Variants in GRID2 observed in about 807,000 individuals in gnomAD.
GRID2 encodes glutamate receptor ionotropic, delta-2.
In GRID2, 33 loss-of-function variants were observed where a neutral mutation model predicts 114.8. That is an observed-to-expected ratio of 0.29 (90% CI 0.22 to 0.38). GRID2 has a LOEUF of 0.38. GRID2 is among the 10% of genes least tolerant of loss of function. The pLI, the probability that GRID2 is intolerant of heterozygous loss-of-function variation, is 1.00. For synonymous variants in GRID2, 505 were observed against 449.9 expected (o/e 1.12, Z -1.55); for missense variants, 1,184 against 1,257.7 (o/e 0.94, Z 0.89).
At chr4:92,510,805 T>C (rs1181991903) in intron 1 of GRID2, among the ~76,000 whole-genome samples, 1 of 150,408 alleles carries the variant, frequency 6.6e-6, no homozygotes, top group Non-Finnish European at 1.5e-5. Flanking sequence ...CATATATACG[T>C]ATTAAAACAT....
At chr4:92,405,059 A>T (rs1730958937) in intron 1 of GRID2, among the ~76,000 whole-genome samples, 1 of 152,146 alleles carries the variant, frequency 6.6e-6, no homozygotes, top group Non-Finnish European at 1.5e-5. Flanking sequence ...AATAAAGTTG[A>T]TTCTAAGCAT....
intron 14 of GRID2, among the ~76,000 whole-genome samples, chr4:93,734,005 A>C (rs144778617): frequency 6.6e-6 from 1 of 152,140 alleles, no homozygotes; most frequent in East Asian, 1.9e-4. Flanking sequence ...AGGTCCTTTA[A>C]TCATGGTGGA....
At chr4:92,465,712 T>A (rs116198928) in intron 1 of GRID2, among the ~76,000 whole-genome samples, 12 of 152,174 alleles carry the variant, frequency 7.9e-5, no homozygotes, top group African/African-American at 2.6e-4. Context: ...TGACATGTTC[T>A]TGTATTTAGT....
chr4:92,687,755 G>T (rs1579844140), intron 2 of GRID2, among the ~76,000 whole-genome samples: 1 of 151,970 alleles, frequency 6.6e-6, no homozygotes, highest in East Asian at 2.0e-4. Context: ...CTTGAACCCA[G>T]GAGGCGGAGC....
intron 1 of GRID2, among the ~76,000 whole-genome samples, chr4:92,464,232 T>C (rs1030081099): frequency 3.9e-5 from 6 of 152,066 alleles, no homozygotes; most frequent in Non-Finnish European, 8.8e-5. Context: ...AGCACAGCTC[T>C]GGTTAAAACT....
chr4:93,486,300 T>C (rs1726398127), intron 11 of GRID2, among the ~76,000 whole-genome samples: 1 of 151,674 alleles, frequency 6.6e-6, no homozygotes, highest in Admixed American at 6.6e-5. Flanking sequence ...CACTAATCCG[T>C]AACTTTTGTT....
intron 1 of GRID2, among the ~76,000 whole-genome samples, chr4:92,554,639 AT>A (rs945962178): frequency 6.6e-6 from 1 of 152,146 alleles, no homozygotes; most frequent in African/African-American, 2.4e-5. Context: ...TCCATTGGAC[AT>A]TTTTCATTTC....
Position 92,970,242 on chromosome 4 carries a change from C to T in GRID2, c.245-114753C>T, listed in dbSNP as rs561213850. On this transcript the variant is annotated intron_variant, in intron 2 of 15. Coordinates refer to ENST00000282020, the MANE Select transcript of GRID2 (RefSeq NM_001510.4). ...TTATGAGTCATTTAACACAAATTAT[C>T]GTCATTTCAGCAGAAAGTGTTTGTA... Among the ~76,000 whole-genome samples the T allele has an allele frequency of 4.9e-4, 74 of 151,900 alleles. 1 individual carries two copies. The highest frequency in any genetic ancestry group is 6.8e-3 in the Middle Eastern group (2 of 294).
intron 1 of GRID2, among the ~76,000 whole-genome samples, chr4:92,550,357 T>C (rs919075527): frequency 1.2e-4 from 19 of 152,174 alleles, no homozygotes; most frequent in Admixed American, 4.6e-4. Flanking sequence ...CATATTTAGT[T>C]TATAATAGTA....
chr4:93,059,469 A>G (rs1276132349), intron 2 of GRID2, among the ~76,000 whole-genome samples: 11 of 152,080 alleles, frequency 7.2e-5, no homozygotes, highest in Non-Finnish European at 1.5e-4. Context: ...CATGCTTCTC[A>G]GTCCTGATGC....
At chr4:93,581,249 G>A (rs1184926582) in intron 13 of GRID2, among the ~76,000 whole-genome samples, 1 of 151,980 alleles carries the variant, frequency 6.6e-6, no homozygotes, top group Non-Finnish European at 1.5e-5. Context: ...CTGAGTGATA[G>A]AGGTGAAAGG....
At chr4:92,424,116 A>G (rs1732037045) in intron 1 of GRID2, among the ~76,000 whole-genome samples, 2 of 152,088 alleles carry the variant, frequency 1.3e-5, no homozygotes, top group Non-Finnish European at 2.9e-5. Flanking sequence ...ACAGTCCTAC[A>G]GGGACCCAAG....
At chr4:93,809,509 G>A (rs1735092550) in exon 2 of GRID2, 1 of 152,164 alleles carries the variant, frequency 6.6e-6, no homozygotes, top group Non-Finnish European at 1.5e-5. Context: ...GAATAGAATG[G>A]TGACTATGTA....
intron 2 of GRID2, among the ~76,000 whole-genome samples, chr4:92,688,036 TC>T (rs1733999767): frequency 3.8e-5 from 5 of 130,008 alleles, no homozygotes; most frequent in Admixed American, 1.6e-4. Flanking sequence ...CCCTTCTTCT[TC>T]TTTTTTTTTT....
At chr4:93,592,222 C>T (rs1738431525) in intron 13 of GRID2, among the ~76,000 whole-genome samples, 1 of 151,926 alleles carries the variant, frequency 6.6e-6, no homozygotes, top group Admixed American at 6.6e-5. Context: ...CTACACACTG[C>T]TTTGAATGCA....
At chr4:93,631,680 G>A (rs185065494) in intron 14 of GRID2, among the ~76,000 whole-genome samples, 225 of 152,228 alleles carry the variant, frequency 1.5e-3, no homozygotes, top group African/African-American at 5.1e-3. Flanking sequence ...AAATATACGT[G>A]TGCATGTGTC....
chr4:92,811,673 G>A (rs1740667557), intron 2 of GRID2, among the ~76,000 whole-genome samples: 1 of 151,838 alleles, frequency 6.6e-6, no homozygotes, highest in South Asian at 2.1e-4. Context: ...TTTTCTTCAG[G>A]AACTTATGCC....
intron 1 of GRID2, among the ~76,000 whole-genome samples, chr4:92,442,296 G>T (rs1733147061): frequency 6.6e-6 from 1 of 151,982 alleles, no homozygotes; most frequent in Admixed American, 6.6e-5. Flanking sequence ...CAGGGGCTCT[G>T]AGAGTGGCTC....
chr4:92,401,224 AT>A (rs1379225432), intron 1 of GRID2, among the ~76,000 whole-genome samples: 1 of 152,130 alleles, frequency 6.6e-6, no homozygotes, highest in African/African-American at 2.4e-5. Context: ...CATTTTTAAC[AT>A]TTCTTTCCTC....
Sources: gnomAD v4.1 joint callset for allele counts (sites outside exome capture counted in the v4.1 genomes callset) on GRCh38, gnomAD v4.1.1 for gene constraint, MANE v1.5 for transcripts, NCBI Gene and HGNC (gene_info 2026-07-23, HGNC 2026-07-21) for gene names.